Variants in TMEM253 observed in about 807,000 individuals in gnomAD.
TMEM253 encodes the protein transmembrane protein C14orf176.
Under a neutral mutation model 20.3 loss-of-function variants are expected in TMEM253, and 22 were observed. The ratio of observed to expected loss-of-function variants is 1.08; its 90% CI spans 0.78 to 1.55. The LOEUF is 1.55. TMEM253 is among the 40% of genes most tolerant of loss of function. The pLI, the probability that TMEM253 is intolerant of heterozygous loss-of-function variation, is 0.00. For missense variants in TMEM253, 251 were observed against 266.1 expected (o/e 0.94, Z 0.39); for synonymous variants, 92 against 102.6 (o/e 0.90, Z 0.62).
chr14:21,100,883 A>C (rs1231917450), upstream of TMEM253, among the ~76,000 whole-genome samples: 1 of 152,352 alleles, frequency 6.6e-6, no homozygotes, highest in East Asian at 1.9e-4. Flanking sequence ...GATAGTGTCC[A>C]TGGGGATGAG....
intron 6 of TMEM253, 148 bp downstream of exon 6, chr14:21,102,927 T>A: frequency 7.3e-7 from 1 of 1,375,372 alleles, no homozygotes; most frequent in Non-Finnish European, 9.7e-7. Flanking sequence ...TTCTCTGGCT[T>A]TGAACATTTC....
At chr14:21,099,787 G>A (rs561001547), upstream of TMEM253, among the ~76,000 whole-genome samples, 100 of 152,356 alleles carry the variant, frequency 6.6e-4, no homozygotes, top group African/African-American at 2.3e-3. Flanking sequence ...TAAGGGAACA[G>A]AGAGATTAAG....
chr14:21,102,986 TAA>T (rs926788337), intron 6 of TMEM253, 151 bp from the exon 7 acceptor site: 9 of 1,404,730 alleles, frequency 6.4e-6, no homozygotes, highest in Non-Finnish European at 7.7e-6. Context: ...TGATTGAGGT[TAA>T]AAGAGTGGGA....
Position 21,102,116 on chromosome 14 carries a change from G to A in TMEM253, c.272G>A (p.Trp91Ter). The A allele has an allele frequency of 6.4e-7, 1 of 1,550,782 alleles. No individual in the cohort carries two copies. The highest frequency in any genetic ancestry group is 2.4e-5 in the East Asian group (1 of 40,924). ...GAGCTTCGCAGAGCACCCCGCCTTTGGAAGGTGAGAGGGAAGAAAACGCAG... is the reference window on the plus strand; with the variant it reads ...GAGCTTCGCAGAGCACCCCGCCTTTAGAAGGTGAGAGGGAAGAAAACGCAG... The change falls in exon 4 of 7, where the codon TGG (tryptophan) becomes TAG (stop). Residue 91 changes from tryptophan to a stop codon, truncating the protein, a stop_gained. Transcript: ENST00000556585. LOFTEE classifies it high-confidence loss of function.
At chr14:21,102,767 A>G in exon 6 of TMEM253, 1 of 1,550,252 alleles carries the variant, frequency 6.5e-7, no homozygotes, top group South Asian at 1.2e-5. Context: ...TGCACTATCA[A>G]GAGCTGCAGG....
At chr14:21,102,467 C>G (rs534149594) in exon 5 of TMEM253, 2 of 1,551,476 alleles carry the variant, frequency 1.3e-6, no homozygotes, top group African/African-American at 1.4e-5. Context: ...TGGTGGTGGT[C>G]GAGGTGATGA....
At chr14:21,099,487 C>T (rs557462213), upstream of TMEM253, among the ~76,000 whole-genome samples, 1 of 152,164 alleles carries the variant, frequency 6.6e-6, no homozygotes, top group Admixed American at 6.5e-5. Flanking sequence ...TCCCACTCCC[C>T]GGGAAAGAAA....
upstream of TMEM253, chr14:21,099,179 G>A (rs1204125120): frequency 5.3e-6 from 1 of 187,458 alleles, no homozygotes; most frequent in African/African-American, 2.4e-5. Flanking sequence ...CCAGGCGATT[G>A]TAGTCTAGAC....
upstream of TMEM253, chr14:21,098,896 C>G (rs756689342): frequency 5.5e-5 from 70 of 1,271,396 alleles, no homozygotes; most frequent in Non-Finnish European, 6.8e-5. Context: ...CTCAAAGCCT[C>G]TCCCTTACAA....
chr14:21,101,356 G>C (rs1889618610), exon 2 of TMEM253: 6 of 1,551,650 alleles, frequency 3.9e-6, no homozygotes, highest in Non-Finnish European at 5.2e-6. Context: ...GGAAGATAGA[G>C]CTGGTGAGCA....
exon 6 of TMEM253, chr14:21,102,725 G>T: frequency 6.4e-7 from 1 of 1,551,468 alleles, no homozygotes. Flanking sequence ...TGCTGAGCCA[G>T]AGGAAACCAG....
chr14:21,101,094 A>C, upstream of TMEM253: 1 of 352,720 alleles, frequency 2.8e-6, no homozygotes, highest in Middle Eastern at 8.7e-4. Context: ...CTGCCAGGAC[A>C]AGTTTGTCGT....
exon 6 of TMEM253, chr14:21,102,753 A>C (rs1020559628): frequency 7.7e-6 from 12 of 1,550,948 alleles, no homozygotes; most frequent in Non-Finnish European, 8.7e-6. Flanking sequence ...CAGGAGCCAG[A>C]GTCTGCACTA....
intron 4 of TMEM253, 65 bp downstream of exon 4, chr14:21,102,185 C>A (rs1889684452): frequency 6.7e-7 from 1 of 1,498,484 alleles, no homozygotes; most frequent in African/African-American, 1.4e-5. Flanking sequence ...CAACCCTCAG[C>A]CTAGGAAGTA....
At chr14:21,101,380 C>G (rs1889620321) in exon 2 of TMEM253, 2 of 1,551,544 alleles carry the variant, frequency 1.3e-6, no homozygotes, top group Non-Finnish European at 1.7e-6. Flanking sequence ...GCAGGAGAGA[C>G]ACAGCCTTCG....
chr14:21,100,131 G>A (rs1889540527), upstream of TMEM253, among the ~76,000 whole-genome samples: 3 of 152,182 alleles, frequency 2.0e-5, no homozygotes, highest in African/African-American at 7.2e-5. Context: ...GGGAGGCCAA[G>A]CAGGGAGGAT....
Position 21,102,785 on chromosome 14 carries a change from G to T in TMEM253, c.534+6G>T. On this transcript the variant is annotated splice_donor_region_variant and intron_variant, in intron 6 of 6. Coordinates refer to ENST00000556585, the Ensembl canonical transcript of TMEM253. ...ACTATCAAGAGCTGCAGGAGGTATG[G>T]GGGCAGGGAAGAAAGCACGAATAGC... The T allele has an allele frequency of 1.3e-6, 2 of 1,547,850 alleles. No homozygotes were observed.
In TMEM253 at chr14:21,102,629, GC is replaced by G; in HGVS notation, c.388-3del. On this transcript the variant is annotated splice_region_variant and splice_polypyrimidine_tract_variant and intron_variant, in intron 5 of 6. Coordinates refer to ENST00000556585, the Ensembl canonical transcript of TMEM253. ...CCTGCATTCTCAGCCCTGTCTACCT[GC>G]AGCATGCTGGCTTGCTGGTGCTGGA... 1 of 1,551,392 alleles carries G rather than the reference GC, an allele frequency of 6.4e-7. No homozygotes were observed. Among genetic ancestry groups the G allele is most frequent in the Non-Finnish European group, 8.7e-7 (1 of 1,146,904 alleles).
upstream of TMEM253, chr14:21,100,937 G>A (rs1889590786): frequency 6.1e-6 from 1 of 162,968 alleles, no homozygotes; most frequent in African/African-American, 2.4e-5. Flanking sequence ...CAGAAATGAG[G>A]GTAATGAGAA....
Sources: gnomAD v4.1 joint callset for allele counts (sites outside exome capture counted in the v4.1 genomes callset) on GRCh38, gnomAD v4.1.1 for gene constraint, MANE v1.5 for transcripts, NCBI Gene and HGNC (gene_info 2026-07-23, HGNC 2026-07-21) for gene names.